FMN1: variants seen among roughly 807,000 people sequenced by gnomAD.
The protein encoded by FMN1 is formin 1.
In FMN1, 110 loss-of-function variants were observed where a neutral mutation model predicts 132.4. The ratio of observed to expected loss-of-function variants is 0.83; its 90% CI spans 0.71 to 0.97. The LOEUF is 0.97. Among genes scored for constraint, FMN1 ranks in the 50% least tolerant of loss-of-function variants. The probability of loss-of-function intolerance (pLI) is 0.00; values close to 1 mark genes in which losing one functional copy is unlikely to be tolerated. For missense variants in FMN1, 1,792 were observed against 1,705.3 expected (o/e 1.05, Z -0.90); for synonymous variants, 722 against 651.7 (o/e 1.11, Z -1.64).
At chr15:32,822,972 G>T (rs2058259048) in intron 17 of FMN1, among the ~76,000 whole-genome samples, 1 of 151,974 alleles carries the variant, frequency 6.6e-6, no homozygotes, top group South Asian at 2.1e-4. Context: ...TCTCACCATT[G>T]GGTACAAGAG....
intron 10 of FMN1, among the ~76,000 whole-genome samples, chr15:32,913,903 A>T (rs777969095): frequency 1.3e-5 from 2 of 152,192 alleles, no homozygotes; most frequent in Non-Finnish European, 2.9e-5. Context: ...GCTTCTTGAC[A>T]AAGAGAACAT....
intron 5 of FMN1, among the ~76,000 whole-genome samples, chr15:33,074,797 C>G (rs2038136456): frequency 1.3e-5 from 2 of 152,002 alleles, no homozygotes; most frequent in Admixed American, 1.3e-4. Context: ...AGGCGGATCA[C>G]TTGAGGCCAA....
intron 19 of FMN1, among the ~76,000 whole-genome samples, chr15:32,793,430 C>G (rs1031282450): frequency 1.3e-5 from 2 of 152,112 alleles, no homozygotes; most frequent in Non-Finnish European, 2.9e-5. Context: ...CAGGTGTGCA[C>G]CACCACACCC....
intron 3 of FMN1, among the ~76,000 whole-genome samples, chr15:33,161,645 G>T (rs8023834): frequency 0.11 from 16,776 of 152,162 alleles, 2,134 homozygotes; most frequent in African/African-American, 0.31. Context: ...AAGGCTGGGC[G>T]CAGTGGCTCA....
intron 17 of FMN1, among the ~76,000 whole-genome samples, chr15:32,830,967 C>A (rs1051883871): frequency 1.3e-5 from 2 of 152,168 alleles, no homozygotes; most frequent in African/African-American, 2.4e-5. Context: ...CCCCCCACCA[C>A]TATAATCTCC....
intron 3 of FMN1, among the ~76,000 whole-genome samples, chr15:33,173,090 C>T (rs894990015): frequency 1.3e-5 from 2 of 152,108 alleles, no homozygotes; most frequent in Non-Finnish European, 2.9e-5. Context: ...ATCATGGTGA[C>T]CCCTGTGCCT....
chr15:33,033,284 C>A (rs1013239521), intron 6 of FMN1, among the ~76,000 whole-genome samples: 4 of 152,210 alleles, frequency 2.6e-5, no homozygotes, highest in African/African-American at 7.2e-5. Context: ...CCCACCTCAG[C>A]CTCCCAAAGT....
At chr15:32,938,466 T>C (rs2061329787) in intron 9 of FMN1, among the ~76,000 whole-genome samples, 1 of 152,138 alleles carries the variant, frequency 6.6e-6, no homozygotes, top group Non-Finnish European at 1.5e-5. Context: ...GAGGTGGAAG[T>C]TGCAGTGAGC....
intron 7 of FMN1, among the ~76,000 whole-genome samples, chr15:32,984,837 C>T (rs546259009): frequency 6.6e-6 from 1 of 152,142 alleles, no homozygotes; most frequent in East Asian, 1.9e-4. Context: ...TAGGAAATCA[C>T]TTGTGTACAA....
Position 32,773,104 on chromosome 15 carries a change from C to A in FMN1, c.*1206G>T, listed in dbSNP as rs1052002384. 2.0e-5 allele frequency: 3 copies of A among 152,202 alleles called. No individual in the cohort carries two copies. Among genetic ancestry groups the A allele is most frequent in the Non-Finnish European group, 4.4e-5 (3 of 68,042 alleles). 9.4% of individuals were successfully genotyped at this position (152,202 alleles called of 1,614,324 possible). ...AGACGTGGCTTAAAGACAAAAGTGT[C>A]AGAGAGGTCAAAGGTGGTTTCCTTA... is the stretch of plus-strand genomic sequence containing the variant. On this transcript the variant is annotated 3_prime_UTR_variant, in exon 21 of 21. Transcript: ENST00000616417.
At chr15:33,158,192 G>A (rs935029838) in intron 3 of FMN1, among the ~76,000 whole-genome samples, 2 of 151,996 alleles carry the variant, frequency 1.3e-5, no homozygotes, top group South Asian at 2.1e-4. Context: ...AATAAAAGAA[G>A]AGAAGGACTG....
intron 4 of FMN1, among the ~76,000 whole-genome samples, chr15:33,121,824 C>T (rs566138303): frequency 6.6e-6 from 1 of 152,080 alleles, no homozygotes; most frequent in South Asian, 2.1e-4. Flanking sequence ...AGCCACCACA[C>T]CCGGCCAAAT....
In FMN1 at chr15:33,153,123, C is replaced by G. The variant is rs1282314493; in HGVS notation, c.1792G>C (p.Val598Leu). 27 of 1,535,978 alleles carry G rather than the reference C, an allele frequency of 1.8e-5. No homozygotes were observed. The highest frequency in any genetic ancestry group is 2.3e-5 in the Non-Finnish European group (26 of 1,146,912). ...CTCTTTTCCAAAGTTTCCCCAGGCA[C>G]CAACCGAGGTTGGCCTGCTCTGAGG... ...AFLRAGQPRL[V>L]PGETLEKSLG... Residue 598 changes from valine to leucine, a missense_variant, in exon 4 of 21, where the codon GTG (valine) becomes CTG (leucine). Around this residue, in one of 3 missense-constraint regions of FMN1, gnomAD observed 1,150 missense variants for 1,043.1 expected, o/e 1.10. Transcript: ENST00000616417.
intron 4 of FMN1, among the ~76,000 whole-genome samples, chr15:33,144,542 G>A (rs1290931211): frequency 6.6e-6 from 1 of 151,652 alleles, no homozygotes; most frequent in Non-Finnish European, 1.5e-5. Context: ...GGAGGCTGAG[G>A]CAGGAGAATG....
At chr15:33,096,034 A>ATGTGATTGAGCATACAC (rs1411411556) in intron 4 of FMN1, among the ~76,000 whole-genome samples, 1 of 152,120 alleles carries the variant, frequency 6.6e-6, no homozygotes, top group Non-Finnish European at 1.5e-5. Context: ...TTACTATTAA[A>ATGTGATTGAGCATACAC]TGTGATTGAG....
At chr15:33,031,694 G>T (rs1313992974) in intron 6 of FMN1, among the ~76,000 whole-genome samples, 1 of 152,202 alleles carries the variant, frequency 6.6e-6, no homozygotes, top group Non-Finnish European at 1.5e-5. Flanking sequence ...ACAGCCTCAG[G>T]CTGCTCCATT....
intron 17 of FMN1, among the ~76,000 whole-genome samples, chr15:32,804,799 T>TA (rs1002703677): frequency 1.2e-4 from 18 of 152,088 alleles, no homozygotes; most frequent in African/African-American, 3.4e-4. Flanking sequence ...CTGAGAATGA[T>TA]AGTTTCTGGC....
chr15:32,996,818 C>T (rs1006980850), intron 7 of FMN1, among the ~76,000 whole-genome samples: 11 of 152,102 alleles, frequency 7.2e-5, no homozygotes, highest in Non-Finnish European at 1.2e-4. Context: ...TACCATTTAT[C>T]ACACATGAAC....
intron 17 of FMN1, among the ~76,000 whole-genome samples, chr15:32,839,493 T>C (rs930208382): frequency 3.3e-5 from 5 of 152,046 alleles, no homozygotes; most frequent in African/African-American, 1.2e-4. Context: ...GCCCCCGGAT[T>C]CCACAGCAGG....
Sources: allele counts gnomAD v4.1 joint callset (sites outside exome capture counted in the v4.1 genomes callset), GRCh38; gene constraint gnomAD v4.1.1; regional missense constraint gnomAD v4.1.1; transcripts MANE v1.5; gene names NCBI Gene and HGNC (gene_info 2026-07-23, HGNC 2026-07-21).